COL24A1: variants seen among roughly 807,000 people sequenced by gnomAD.
The protein encoded by COL24A1 is collagen type XXIV alpha 1 chain.
In COL24A1, 224 loss-of-function variants were observed where a neutral mutation model predicts 253.9. The observed-to-expected ratio is 0.88, with a 90% CI of 0.79 to 0.99. The LOEUF (loss-of-function observed/expected upper bound fraction) is 0.99. COL24A1 is among the 50% of genes least tolerant of loss of function. The pLI is 0.00. For missense variants in COL24A1, 2,131 were observed against 2,068.5 expected (o/e 1.03, Z -0.59); for synonymous variants, 685 against 673.7 (o/e 1.02, Z -0.26).
At chr1:85,989,952 G>C (rs2100949126) in intron 19 of COL24A1, among the ~76,000 whole-genome samples, 1 of 152,278 alleles carries the variant, frequency 6.6e-6, no homozygotes, top group African/African-American at 2.4e-5. Flanking sequence ...CCTTAATGTA[G>C]TGTTTTGGCT....
chr1:85,873,667 A>G (rs1049963438), intron 35 of COL24A1, among the ~76,000 whole-genome samples: 1 of 152,176 alleles, frequency 6.6e-6, no homozygotes, highest in African/African-American at 2.4e-5. Context: ...GAAGGGGAAC[A>G]TCACACACTG....
chr1:85,756,110 A>G (rs575505991), intron 55 of COL24A1, among the ~76,000 whole-genome samples: 12 of 151,506 alleles, frequency 7.9e-5, no homozygotes, highest in Non-Finnish European at 1.6e-4. Flanking sequence ...TGGGCAAATA[A>G]CTTGAATAGA....
chr1:86,043,981 T>C (rs1425693619), intron 12 of COL24A1, among the ~76,000 whole-genome samples: 18 of 152,344 alleles, frequency 1.2e-4, no homozygotes, highest in Non-Finnish European at 8.8e-5. Flanking sequence ...TACTTCATAG[T>C]AGCCTGGAAT....
intron 18 of COL24A1, among the ~76,000 whole-genome samples, chr1:86,019,325 G>A (rs141306795): frequency 4.6e-5 from 7 of 152,138 alleles, no homozygotes; most frequent in African/African-American, 1.7e-4. Context: ...GGAGGCCGAG[G>A]TAAGAGGATT....
At chr1:85,769,038 T>G (rs536551453) in intron 53 of COL24A1, among the ~76,000 whole-genome samples, 1 of 152,166 alleles carries the variant, frequency 6.6e-6, no homozygotes, top group Non-Finnish European at 1.5e-5. Context: ...TCTTTTAAAT[T>G]TTATCCTCTA....
At chr1:85,959,819 T>A (rs563916895) in intron 24 of COL24A1, among the ~76,000 whole-genome samples, 1 of 152,188 alleles carries the variant, frequency 6.6e-6, no homozygotes, top group Non-Finnish European at 1.5e-5. Flanking sequence ...ATATGTAAGA[T>A]ATTACTTTAA....
chr1:86,094,531 C>G lies in COL24A1; in HGVS notation c.1600-2211G>C, dbSNP rs927576163. On this transcript the variant is annotated intron_variant, in intron 5 of 59. Transcript: ENST00000370571. ...AAAAATAACTAATGGGAACCAGGCT[C>G]AATACCTGGGTGATGAAATAATCTG... Among the ~76,000 whole-genome samples the G allele has an allele frequency of 1.4e-4, 21 of 151,956 alleles. 3 individuals carry two copies. Among genetic ancestry groups the G allele is most frequent in the Admixed American group, 5.2e-4 (8 of 15,254 alleles).
chr1:85,956,114 T>C (rs1558792982), intron 24 of COL24A1, among the ~76,000 whole-genome samples: 1 of 152,236 alleles, frequency 6.6e-6, no homozygotes, highest in Non-Finnish European at 1.5e-5. Context: ...CCAGGTCTGC[T>C]ACTTACTCAC....
chr1:86,108,526 T>C (rs1451892657), intron 5 of COL24A1, among the ~76,000 whole-genome samples: 1 of 147,956 alleles, frequency 6.8e-6, no homozygotes, highest in Admixed American at 7.0e-5. Flanking sequence ...CTCACGCCTG[T>C]ACTCCCAGCA....
At chr1:86,020,326 A>G (rs113035681) in intron 18 of COL24A1, among the ~76,000 whole-genome samples, 8,699 of 152,088 alleles carry the variant, frequency 0.057, 548 homozygotes, top group African/African-American at 0.16. Flanking sequence ...TCAGCTGCCC[A>G]AAGTGCTGGG....
At chr1:86,136,697 C>A (rs780930225) in intron 2 of COL24A1, among the ~76,000 whole-genome samples, 1 of 152,032 alleles carries the variant, frequency 6.6e-6, no homozygotes, top group Admixed American at 6.6e-5. Context: ...ACCACACGAC[C>A]TCTCAGCCAT....
intron 43 of COL24A1, among the ~76,000 whole-genome samples, chr1:85,825,080 C>G (rs1045103578): frequency 5.7e-5 from 7 of 123,040 alleles, no homozygotes; most frequent in Admixed American, 9.0e-5. Context: ...CCCCTCCCCC[C>G]ACCCCACAAC....
At chr1:86,029,447 A>G (rs935302867) in intron 14 of COL24A1, among the ~76,000 whole-genome samples, 1 of 152,196 alleles carries the variant, frequency 6.6e-6, no homozygotes, top group Non-Finnish European at 1.5e-5. Flanking sequence ...AAATCTTACC[A>G]TTATGTTAGA....
intron 55 of COL24A1, among the ~76,000 whole-genome samples, chr1:85,756,995 C>T (rs979371392): frequency 2.0e-5 from 3 of 152,060 alleles, no homozygotes; most frequent in Non-Finnish European, 4.4e-5. Context: ...TATGAGGTAC[C>T]TAGAGTAGTC....
chr1:85,823,476 T>A, intron 45 of COL24A1, 60 bp downstream of exon 45: 2 of 1,485,934 alleles, frequency 1.3e-6, no homozygotes, highest in South Asian at 2.3e-5. Context: ...CTCCTTGTGC[T>A]CCTGCTTTCT....
At chr1:85,841,152 G>T in intron 42 of COL24A1, 70 bp downstream of exon 42, 2 of 1,030,226 alleles carry the variant, frequency 1.9e-6, no homozygotes, top group Non-Finnish European at 1.4e-6. Context: ...AGATTTAATT[G>T]GTGTTGTGAA....
chr1:86,142,742 C>T (rs901507903), intron 2 of COL24A1, among the ~76,000 whole-genome samples: 2 of 151,828 alleles, frequency 1.3e-5, no homozygotes, highest in Non-Finnish European at 2.9e-5. Context: ...ATAAATATAT[C>T]AGGAAGAAAA....
intron 53 of COL24A1, among the ~76,000 whole-genome samples, chr1:85,764,379 G>A (rs1182620080): frequency 6.6e-6 from 1 of 151,890 alleles, no homozygotes; most frequent in Non-Finnish European, 1.5e-5. Context: ...CATAGGGCGT[G>A]ACTGCAAATA....
At chr1:85,976,817 A>T (rs78989463) in intron 20 of COL24A1, among the ~76,000 whole-genome samples, 10 of 152,110 alleles carry the variant, frequency 6.6e-5, no homozygotes, top group East Asian at 1.9e-4. Context: ...AAATAACCCT[A>T]CTCCAAGGAA....
Sources: allele counts gnomAD v4.1 joint callset (sites outside exome capture counted in the v4.1 genomes callset), GRCh38; gene constraint gnomAD v4.1.1; transcripts MANE v1.5; gene names NCBI Gene and HGNC (gene_info 2026-07-23, HGNC 2026-07-21).